ZC3H14: variants seen among roughly 807,000 people sequenced by gnomAD.
ZC3H14 encodes the protein zinc finger CCCH-type containing 14.
ZC3H14 carries 31 observed loss-of-function variants against 92.4 expected under a neutral mutation model. The ratio of observed to expected loss-of-function variants is 0.34; its 90% confidence interval spans 0.25 to 0.45. The LOEUF (loss-of-function observed/expected upper bound fraction) is 0.45. Among genes scored for constraint, ZC3H14 ranks in the 20% least tolerant of loss-of-function variants. ZC3H14 has a pLI of 1.00. For synonymous variants in ZC3H14, 321 were observed against 300.9 expected (o/e 1.07, Z -0.69); for missense variants, 781 against 897.3 (o/e 0.87, Z 1.66).
At chr14:88,563,488 G>A (rs942302888) in intron 1 of ZC3H14, 163 bp from the exon 2 acceptor site, 5 of 1,521,388 alleles carry the variant, frequency 3.3e-6, no homozygotes, top group African/African-American at 1.4e-5. Context: ...TGGAGCTGGA[G>A]TGGGGTGCGG....
intron 9 of ZC3H14, among the ~76,000 whole-genome samples, chr14:88,585,796 T>C (rs550705385): frequency 6.6e-6 from 1 of 152,330 alleles, no homozygotes; most frequent in South Asian, 2.1e-4. Context: ...TAAAAGGACT[T>C]TTGAATACCT....
chr14:88,572,769 C>G lies in ZC3H14; in HGVS notation c.623C>G (p.Ser208Cys). 3.1e-6 allele frequency: 5 copies of G among 1,614,164 alleles called. No homozygotes were observed. Among genetic ancestry groups the G allele is most frequent in the Non-Finnish European group, 4.2e-6 (5 of 1,180,028 alleles). ...KPTVTLTYGS[S>C]RPSIEIYRPP... Reference sequence around the variant, plus strand: ...ACAGTGACACTTACATATGGTTCTTCTCGCCCTTCTATTGAAATTTATCGA... The same window carrying G: ...ACAGTGACACTTACATATGGTTCTTGTCGCCCTTCTATTGAAATTTATCGA... Residue 208 changes from serine to cysteine, a missense_variant, in exon 6 of 17, where the codon TCT (serine) becomes TGT (cysteine). Transcript: ENST00000251038.
At chr14:88,572,540 A>C (rs1263189774) in intron 5 of ZC3H14, 38 bp from the exon 6 acceptor site, 5 of 1,610,924 alleles carry the variant, frequency 3.1e-6, no homozygotes, top group Non-Finnish European at 4.2e-6. Flanking sequence ...TAATTGCCCT[A>C]ATTTGGCTGT....
rs754041706 is a variant in ZC3H14 at position 88,596,750 on chromosome 14, A to G, written c.1296A>G (p.Gln432=). The G allele has an allele frequency of 1.2e-5, 20 of 1,613,858 alleles. No individual in the cohort carries two copies. The highest frequency in any genetic ancestry group is 1.5e-5 in the Non-Finnish European group (18 of 1,179,932). Residue 432 remains glutamine, a synonymous_variant, in exon 10 of 17, where the codon CAA becomes CAG. Transcript: ENST00000251038. ...ATATTCTAGGAACTCAACAGAGGCA[A>G]TTATTATCCCGACTGCAAATCGACC... ...VEKNQGTQQR[Q]LLSRLQIDPV... is the part of the protein sequence containing the mutation.
chr14:88,618,036 G>A lies in ZC3H14; in HGVS notation c.*6285G>A. The stretch of plus-strand genomic sequence containing the variant: ...TAAAAAAAAAACTTGATAAATCATG[G>A]AAACTGATAAAACATGGAAATATAT... On this transcript the variant is annotated 3_prime_UTR_variant, in exon 17 of 17. Transcript: ENST00000251038. 1 of 391,006 alleles carries A rather than the reference G, an allele frequency of 2.6e-6. No homozygotes were observed. Among genetic ancestry groups the A allele is most frequent in the Non-Finnish European group, 4.5e-6 (1 of 222,050 alleles). The allele number at this position is 391,006 out of a possible 1,614,324, so 24.2% of individuals were successfully genotyped here. A position where few individuals can be genotyped will look rare whatever the true frequency, so the allele number is the denominator to read the frequency against.
At chr14:88,576,235 CT>C (rs1385962105) in intron 8 of ZC3H14, among the ~76,000 whole-genome samples, 2 of 152,092 alleles carry the variant, frequency 1.3e-5, no homozygotes, top group African/African-American at 4.8e-5. Context: ...TGAAGTAGGA[CT>C]TTCATATTAG....
In ZC3H14 at chr14:88,607,831, T is replaced by C. The variant is rs112261825; in HGVS notation, c.1868+468T>C. Reference sequence around the variant, plus strand: ...CCCCCACCTCAGCCTGCAAGTACCATCCCCCACCTCAGCCTGCAAGTACCA... The same window carrying C: ...CCCCCACCTCAGCCTGCAAGTACCACCCCCCACCTCAGCCTGCAAGTACCA... On this transcript the variant is annotated intron_variant, in intron 13 of 16. Transcript: ENST00000251038. Among the ~76,000 whole-genome samples the C allele has an allele frequency of 3.2e-3, 228 of 70,344 alleles. 2 individuals carry two copies. The highest frequency in any genetic ancestry group is 0.014 in the Middle Eastern group (1 of 74). The allele number at this position is 70,344 out of a possible 152,430, so 46.1% of individuals were successfully genotyped here.
chr14:88,571,968 T>A, intron 4 of ZC3H14, 62 bp from the exon 5 acceptor site: 1 of 1,266,426 alleles, frequency 7.9e-7, no homozygotes. Context: ...ATCTCAAAAA[T>A]AAATAAATAA....
Position 88,611,878 on chromosome 14 carries a change from T to C in ZC3H14, c.*127T>C. The C allele has an allele frequency of 3.0e-6, 4 of 1,312,294 alleles. No homozygotes were observed. Among genetic ancestry groups the C allele is most frequent in the Non-Finnish European group, 4.3e-6 (4 of 925,936 alleles). 81.3% of individuals were successfully genotyped at this position (1,312,294 alleles called of 1,614,324 possible). Reference sequence around the variant, plus strand: ...ATTGCTTTCATAATATGAAGTTTTATTGCCTATCTATCTGAAGTGTCTAAT... The same window carrying C: ...ATTGCTTTCATAATATGAAGTTTTACTGCCTATCTATCTGAAGTGTCTAAT... On this transcript the variant is annotated 3_prime_UTR_variant, in exon 17 of 17. Coordinates refer to ENST00000251038, the MANE Select transcript of ZC3H14 (RefSeq NM_024824.5).
chr14:88,602,020 A>G lies in ZC3H14; in HGVS notation c.1451A>G (p.Gln484Arg). 2.5e-6 allele frequency: 4 copies of G among 1,614,176 alleles called. No homozygotes were observed. The highest frequency in any genetic ancestry group is 3.4e-6 in the Non-Finnish European group (4 of 1,180,030). ...GAGGAAGTAGTAGTGGCACCAAACCAAGAGTCGGGGATGAAGACTGCAGAT... is the reference window on the plus strand; with the variant it reads ...GAGGAAGTAGTAGTGGCACCAAACCGAGAGTCGGGGATGAAGACTGCAGAT... ...LSEEVVVAPN[Q>R]ESGMKTADSL... is the part of the protein sequence containing the mutation. The change falls in exon 11 of 17, where the codon CAA becomes CGA. Residue 484 changes from glutamine to arginine, a missense_variant. Physicochemically the swap from Gln to Arg is conservative, Grantham distance 43 (BLOSUM62 1). Around this residue, in one of 3 missense-constraint regions of ZC3H14, gnomAD observed 454 missense variants for 438.5 expected, o/e 1.04. Transcript: ENST00000251038.
intron 3 of ZC3H14, among the ~76,000 whole-genome samples, chr14:88,570,879 G>A (rs917507808): frequency 6.6e-6 from 1 of 152,142 alleles, no homozygotes; most frequent in African/African-American, 2.4e-5. Flanking sequence ...ACTTTGGGAG[G>A]CTGAGGCAGG....
Position 88,601,840 on chromosome 14 carries a change from A to G in ZC3H14, c.1355-84A>G, listed in dbSNP as rs551037229. ...TTGAAATAATTTGAATATATAAAAG[A>G]TTGACATTCTTCTCACATATATAAT... is the stretch of plus-strand genomic sequence containing the variant. On this transcript the variant is annotated intron_variant, in intron 10 of 16. Coordinates refer to ENST00000251038, the MANE Select transcript of ZC3H14 (RefSeq NM_024824.5). 380 of 1,490,708 alleles carry G rather than the reference A, an allele frequency of 2.5e-4. 2 individuals are homozygous for G. Among genetic ancestry groups the G allele is most frequent in the Middle Eastern group, 1.4e-3 (8 of 5,648 alleles). 92.3% of individuals were successfully genotyped at this position (1,490,708 alleles called of 1,614,324 possible).
At position 88,594,409 on chromosome 14, in the gene ZC3H14, G is replaced by T. The variant is rs985101284; in HGVS notation, c.1280-2325G>T. On this transcript the variant is annotated intron_variant, in intron 9 of 16. Transcript: ENST00000251038. ...TTGTATGTAATAATAGGGTTTACTG[G>T]AAGAGGAGCTATACAGATGGTACTT... 4 of 1,113,132 alleles carry T rather than the reference G, an allele frequency of 3.6e-6. No homozygotes were observed. In the East Asian group the frequency reaches 2.5e-4, roughly 68 times the overall value. The allele number at this position is 1,113,132 out of a possible 1,614,324, so 69.0% of individuals were successfully genotyped here.
chr14:88,591,188 C>G (rs2083080385), intron 9 of ZC3H14: 1 of 152,110 alleles, frequency 6.6e-6, no homozygotes, highest in Non-Finnish European at 1.5e-5. Context: ...GCCTGTAATC[C>G]CAGCAATTTG....
chr14:88,624,733 A>G lies in ZC3H14; in HGVS notation c.*12982A>G, dbSNP rs1012518992. The G allele has an allele frequency of 2.5e-5, 12 of 474,710 alleles. No homozygotes were observed. Among genetic ancestry groups the G allele is most frequent in the Middle Eastern group, 5.8e-4 (1 of 1,736 alleles). The allele number at this position is 474,710 out of a possible 1,614,324, so 29.4% of individuals were successfully genotyped here. A position where few individuals can be genotyped will look rare whatever the true frequency, so the allele number is the denominator to read the frequency against. Reference sequence around the variant, plus strand: ...GAAAAGTAACTCAACTTGTAGGACAACTACCTATCCACACCTCAGAAAAAG... The same window carrying G: ...GAAAAGTAACTCAACTTGTAGGACAGCTACCTATCCACACCTCAGAAAAAG... On this transcript the variant is annotated 3_prime_UTR_variant, in exon 17 of 17. Transcript: ENST00000251038.
intron 8 of ZC3H14, 123 bp downstream of exon 8, chr14:88,576,063 G>T: frequency 1.2e-6 from 1 of 838,808 alleles, no homozygotes; most frequent in East Asian, 2.7e-5. Flanking sequence ...ACCAAGATGA[G>T]GTTCCCATAT....
intron 9 of ZC3H14, among the ~76,000 whole-genome samples, chr14:88,583,278 A>G (rs765316486): frequency 1.4e-4 from 21 of 151,722 alleles, no homozygotes; most frequent in Non-Finnish European, 2.7e-4. Flanking sequence ...CACCACGCCC[A>G]GCTAATGTTT....
Position 88,614,837 on chromosome 14 carries a change from G to C in ZC3H14, c.*3086G>C, listed in dbSNP as rs1003589929. The C allele has an allele frequency of 6.6e-6, 1 of 152,162 alleles. No homozygotes were observed. The highest frequency in any genetic ancestry group is 2.4e-5 in the African/African-American group (1 of 41,434). The allele number at this position is 152,162 out of a possible 1,614,324, so 9.4% of individuals were successfully genotyped here. On this transcript the variant is annotated 3_prime_UTR_variant, in exon 17 of 17. Transcript: ENST00000251038. The stretch of plus-strand genomic sequence containing the variant: ...TTCATTTTGGAAATAAACCTATGGA[G>C]TGGCACACATCTAAACAAATTTTCC...
chr14:88,572,358 G>A, intron 5 of ZC3H14, 133 bp downstream of exon 5: 5 of 1,147,206 alleles, frequency 4.4e-6, no homozygotes, highest in Non-Finnish European at 6.2e-6. Flanking sequence ...GTAGTTTTTT[G>A]AATAAAATAA....
Sources: gnomAD v4.1 joint callset for allele counts (sites outside exome capture counted in the v4.1 genomes callset) on GRCh38, gnomAD v4.1.1 for gene constraint, gnomAD v4.1.1 regional missense constraint, MANE v1.5 for transcripts, NCBI Gene and HGNC (gene_info 2026-07-23, HGNC 2026-07-21) for gene names.